The following COPB2 variants were observed in gnomAD, a reference collection of about 807,000 sequenced individuals.
The protein encoded by COPB2 is coat protein complex I subunit beta 2.
Under a neutral mutation model 120.8 loss-of-function variants are expected in COPB2, and 16 were observed. That is an observed-to-expected ratio of 0.13 (90% CI 0.09 to 0.20). The LOEUF is 0.20. COPB2 is among the 10% of genes least tolerant of loss of function. The probability of loss-of-function intolerance (pLI) is 1.00; values close to 1 mark genes in which losing one functional copy is unlikely to be tolerated. For missense variants in COPB2, 794 were observed against 1,076.5 expected (o/e 0.74, Z 3.67); for synonymous variants, 332 against 366.3 (o/e 0.91, Z 1.07).
At position 139,359,378 on chromosome 3, in the gene COPB2, G is replaced by A. The variant is rs1941367210; in HGVS notation, c.2211-16C>T. ...GGCATCAACCCTAAACATTAAAAAG[G>A]AGAGGTACTGTTACCAAGAATAAAC... On this transcript the variant is annotated splice_polypyrimidine_tract_variant and intron_variant, in intron 17 of 21. Coordinates refer to ENST00000333188, the MANE Select transcript of COPB2 (RefSeq NM_004766.3). The A allele has an allele frequency of 6.2e-7, 1 of 1,607,198 alleles. No individual in the cohort carries two copies. Among genetic ancestry groups the A allele is most frequent in the Non-Finnish European group, 8.5e-7 (1 of 1,174,934 alleles).
chr3:139,383,515 T>C, intron 1 of COPB2, 80 bp from the exon 2 acceptor site: 2 of 1,293,876 alleles, frequency 1.5e-6, no homozygotes. Flanking sequence ...AGTGCATGAA[T>C]AGGCCTACAA....
intron 10 of COPB2, 98 bp downstream of exon 10, chr3:139,371,625 C>T (rs149750644): frequency 4.2e-5 from 42 of 995,848 alleles, no homozygotes; most frequent in African/African-American, 1.6e-4. Flanking sequence ...TTTTTTAACA[C>T]GGAGAATCAC....
At chr3:139,360,375 G>A (rs560974665) in intron 17 of COPB2, among the ~76,000 whole-genome samples, 10 of 151,906 alleles carry the variant, frequency 6.6e-5, no homozygotes, top group Non-Finnish European at 1.2e-4. Flanking sequence ...AACACAAGCC[G>A]GGTGTGGTGG....
intron 17 of COPB2, among the ~76,000 whole-genome samples, chr3:139,359,952 A>T (rs991605928): frequency 6.6e-6 from 1 of 152,192 alleles, no homozygotes; most frequent in African/African-American, 2.4e-5. Flanking sequence ...AATAACTTAC[A>T]TAGGAATGTT....
At chr3:139,387,369 G>T (rs1276054662) in intron 1 of COPB2, among the ~76,000 whole-genome samples, 2 of 152,196 alleles carry the variant, frequency 1.3e-5, no homozygotes, top group African/African-American at 4.8e-5. Context: ...CAATGTACTA[G>T]GTACTTTGGG....
chr3:139,379,704 C>T, intron 2 of COPB2: 1 of 462,986 alleles, frequency 2.2e-6, no homozygotes. Flanking sequence ...AGATGGTATT[C>T]CAGATCCTCT....
Position 139,366,640 on chromosome 3 carries a change from G to A in COPB2, c.1812C>T (p.Ser604=), listed in dbSNP as rs774974495. 2 of 1,614,096 alleles carry A rather than the reference G, an allele frequency of 1.2e-6. No homozygotes were observed. The highest frequency in any genetic ancestry group is 1.7e-5 in the Admixed American group (1 of 60,006). The part of the protein sequence containing the change: ...YQTAVMRRDF[S]MADKVLPTIP... ...TGGTAGGAAGGACCTTATCAGCCAT[G>A]CTAAAGTCCCTCCGCATGACAGCTG... The change falls in exon 15 of 22, where the codon AGC becomes AGT. Residue 604 remains serine, a synonymous_variant. Transcript: ENST00000333188.
chr3:139,358,889 GAT>G lies in COPB2; in HGVS notation c.2485-79_2485-78del, dbSNP rs376072554. 2.7e-3 allele frequency: 4,159 copies of G among 1,556,406 alleles called. 43 individuals carry two copies. Among genetic ancestry groups the G allele is most frequent in the South Asian group, 0.02 (1,819 of 89,870 alleles). On this transcript the variant is annotated intron_variant, in intron 19 of 21. Transcript: ENST00000333188. ...ACCTATGAACTTGGCCTAAATCCCA[GAT>G]ATCAGCTCTTAATTTTAAAAGAAGA... is the stretch of plus-strand genomic sequence containing the variant.
chr3:139,375,452 T>G lies in COPB2; in HGVS notation c.651+16A>C. 2 of 1,607,752 alleles carry G rather than the reference T, an allele frequency of 1.2e-6. No individual in the cohort carries two copies. The highest frequency in any genetic ancestry group is 2.2e-5 in the South Asian group (2 of 90,054). On this transcript the variant is annotated intron_variant, in intron 6 of 21. Transcript: ENST00000333188. ...ACATATCTAACATATGGAAGTAAGG[T>G]TATGAAAAACTGTACCTGATAATCC... is the stretch of plus-strand genomic sequence containing the variant.
At chr3:139,368,043 C>A (rs1366436599) in intron 13 of COPB2, 102 bp downstream of exon 13, 4 of 1,303,776 alleles carry the variant, frequency 3.1e-6, no homozygotes, top group Non-Finnish European at 3.1e-6. Flanking sequence ...TGTCTCCCTA[C>A]ACCTAATTTA....
At chr3:139,389,677 A>G, upstream of COPB2, 1 of 1,033,648 alleles carries the variant, frequency 9.7e-7, no homozygotes, top group Non-Finnish European at 1.4e-6. Context: ...TTCTCGCGAT[A>G]GTCAGAGGCC....
At position 139,368,133 on chromosome 3, in the gene COPB2, T is replaced by A. The variant is rs1027426592; in HGVS notation, c.1545+12A>T. ...ACAAAGCTGAAAGCGAAAGTTGTGCTGATGCAATTACCTCAAAGGCATCTT... is the reference window on the plus strand; with the variant it reads ...ACAAAGCTGAAAGCGAAAGTTGTGCAGATGCAATTACCTCAAAGGCATCTT... On this transcript the variant is annotated intron_variant, in intron 13 of 21. Transcript: ENST00000333188. The A allele has an allele frequency of 6.2e-7, 1 of 1,606,898 alleles. No individual in the cohort carries two copies. The highest frequency in any genetic ancestry group is 1.1e-5 in the South Asian group (1 of 89,354).
chr3:139,358,801 C>G lies in COPB2; in HGVS notation c.2496G>C (p.Glu832Asp), dbSNP rs878866328. The part of the protein sequence containing the change: ...KQYPLVTPNE[E>D]RNVMEEGKDF... ...CTTTTCCCTCTTCCATGACATTTCT[C>G]TCTTCATTTGGCTATCAGAGAATAA... The change falls in exon 20 of 22, where the codon GAG becomes GAC. Residue 832 changes from glutamate (E) to aspartate (D), a missense_variant. Physicochemically the swap from Glu to Asp is conservative, Grantham distance 45. Transcript: ENST00000333188. The G allele has an allele frequency of 2.5e-6, 4 of 1,612,562 alleles. No individual in the cohort carries two copies. Among genetic ancestry groups the G allele is most frequent in the East Asian group, 2.2e-5 (1 of 44,862 alleles).
intron 15 of COPB2, among the ~76,000 whole-genome samples, chr3:139,365,643 A>G (rs1941500385): frequency 6.6e-6 from 1 of 152,206 alleles, no homozygotes; most frequent in Non-Finnish European, 1.5e-5. Context: ...TGAGAGCAGG[A>G]AAACCAGTGC....
chr3:139,366,870 T>C, intron 14 of COPB2, 95 bp from the exon 15 acceptor site: 1 of 1,490,618 alleles, frequency 6.7e-7, no homozygotes, highest in East Asian at 2.3e-5. Context: ...ACCTTCCCAT[T>C]TGATTGACAC....
intron 1 of COPB2, chr3:139,385,480 T>A (rs1379209972): frequency 6.6e-6 from 1 of 152,192 alleles, no homozygotes; most frequent in African/African-American, 2.4e-5. Context: ...AATGGTAGAT[T>A]TATCTTGTCA....
chr3:139,378,999 A>C (rs1941762498), intron 4 of COPB2, 48 bp downstream of exon 4: 2 of 1,519,680 alleles, frequency 1.3e-6, no homozygotes, highest in African/African-American at 2.8e-5. Flanking sequence ...GTGAATGAAA[A>C]TGAATTACCC....
In COPB2 at chr3:139,361,302, GAA is replaced by G. The variant is rs1424094483; in HGVS notation, c.1996-9_1996-8del. 1 of 1,608,840 alleles carries G rather than the reference GAA, an allele frequency of 6.2e-7. No individual in the cohort carries two copies. Among genetic ancestry groups the G allele is most frequent in the Non-Finnish European group, 8.5e-7 (1 of 1,176,478 alleles). ...GTTTCCACTTCTGTTCTGACTGTAAGAAAAGAGTTTCCAAGTTAAAATATCTT... is the reference window on the plus strand; with the variant it reads ...GTTTCCACTTCTGTTCTGACTGTAAGAAGAGTTTCCAAGTTAAAATATCTT... On this transcript the variant is annotated splice_region_variant and splice_polypyrimidine_tract_variant and intron_variant, in intron 16 of 21. Transcript: ENST00000333188.
chr3:139,363,014 G>A (rs1204560727), intron 15 of COPB2, among the ~76,000 whole-genome samples: 1 of 152,100 alleles, frequency 6.6e-6, no homozygotes, highest in South Asian at 2.1e-4. Context: ...CCAAAGAAAC[G>A]GGAGTCAAAT....
Sources: gnomAD v4.1 joint callset for allele counts (sites outside exome capture counted in the v4.1 genomes callset) on GRCh38, gnomAD v4.1.1 for gene constraint, MANE v1.5 for transcripts, NCBI Gene and HGNC (gene_info 2026-07-23, HGNC 2026-07-21) for gene names.